The following NARS2 variants were observed in gnomAD, a reference collection of about 807,000 sequenced individuals.
NARS2 encodes asparaginyl-tRNA synthetase 2, mitochondrial, also known as asparaginyl-tRNA synthetase.
A neutral mutation model predicts 62.9 loss-of-function variants in NARS2; 60 were observed. The ratio of observed to expected loss-of-function variants is 0.95; its 90% CI spans 0.77 to 1.18. NARS2 has a LOEUF of 1.18. Ranked by LOEUF, NARS2 falls within the 50% of genes most tolerant of loss-of-function variation. The pLI is 0.00. For synonymous variants in NARS2, 196 were observed against 200.0 expected (o/e 0.98, Z 0.17); for missense variants, 619 against 576.4 (o/e 1.07, Z -0.76).
chr11:78,531,814 A>G, intron 5 of NARS2, among the ~76,000 whole-genome samples: 1 of 152,214 alleles, frequency 6.6e-6, no homozygotes, highest in African/African-American at 2.4e-5. Flanking sequence ...CATTTATATG[A>G]AACATACAGA....
chr11:78,448,145 C>CA (rs1226981369), intron 11 of NARS2, among the ~76,000 whole-genome samples: 2 of 152,042 alleles, frequency 1.3e-5, no homozygotes, highest in Non-Finnish European at 1.5e-5. Context: ...CAAAACAGTA[C>CA]ATTATACCCC....
At chr11:78,500,192 T>C (rs1483385711) in intron 6 of NARS2, among the ~76,000 whole-genome samples, 1 of 152,202 alleles carries the variant, frequency 6.6e-6, no homozygotes, top group Non-Finnish European at 1.5e-5. Context: ...TTTTTAAGGT[T>C]ATGGTACTGA....
chr11:78,548,513 G>A (rs1020269506), intron 5 of NARS2, among the ~76,000 whole-genome samples: 3 of 152,208 alleles, frequency 2.0e-5, no homozygotes, highest in African/African-American at 7.2e-5. Context: ...ATGCACAACA[G>A]TTTAGAGAAG....
At chr11:78,567,448 C>A (rs1158000098) in intron 3 of NARS2, among the ~76,000 whole-genome samples, 9 of 151,892 alleles carry the variant, frequency 5.9e-5, no homozygotes, top group African/African-American at 2.2e-4. Context: ...ATTTTGAGAC[C>A]ATAGTTCACC....
chr11:78,436,510 G>C lies in NARS2; in HGVS notation c.*160C>G. The C allele has an allele frequency of 1.1e-6, 1 of 924,552 alleles. No individual in the cohort carries two copies. The highest frequency in any genetic ancestry group is 1.6e-6 in the Non-Finnish European group (1 of 624,076). 57.3% of individuals were successfully genotyped at this position (924,552 alleles called of 1,614,324 possible). A position where few individuals can be genotyped will look rare whatever the true frequency, so the allele number is the denominator to read the frequency against. On this transcript the variant is annotated 3_prime_UTR_variant, in exon 14 of 14. Coordinates refer to ENST00000281038, the MANE Select transcript of NARS2 (RefSeq NM_024678.6). Reference sequence around the variant, plus strand: ...ACGTGAAATACCCTCAACTTTCTAAGAAAATCACAACCACTTATATTTTTT... The same window carrying C: ...ACGTGAAATACCCTCAACTTTCTAACAAAATCACAACCACTTATATTTTTT...
At chr11:78,531,148 A>G (rs886953381) in intron 5 of NARS2, among the ~76,000 whole-genome samples, 8 of 152,178 alleles carry the variant, frequency 5.3e-5, no homozygotes, top group African/African-American at 1.9e-4. Flanking sequence ...AAAATGAACA[A>G]AACTGTCAGA....
At chr11:78,451,290 T>A (rs1433861917) in intron 11 of NARS2, among the ~76,000 whole-genome samples, 2 of 152,234 alleles carry the variant, frequency 1.3e-5, no homozygotes, top group Non-Finnish European at 2.9e-5. Context: ...GGATTGAAAT[T>A]CCAGGTAGAA....
At chr11:78,486,609 T>C (rs988168848) in intron 7 of NARS2, among the ~76,000 whole-genome samples, 6 of 152,216 alleles carry the variant, frequency 3.9e-5, no homozygotes, top group African/African-American at 1.4e-4. Context: ...ACCAGTCTAA[T>C]AACTGGTAAA....
intron 5 of NARS2, among the ~76,000 whole-genome samples, chr11:78,544,018 C>CAAAA (rs10688131): frequency 0.62 from 45,701 of 73,608 alleles, 16,095 homozygotes; most frequent in Non-Finnish European, 0.77. Context: ...GACTCTGTCT[C>CAAAA]AAAAAAAAAA....
At chr11:78,537,513 G>A (rs995733841) in intron 5 of NARS2, among the ~76,000 whole-genome samples, 3 of 152,168 alleles carry the variant, frequency 2.0e-5, no homozygotes, top group African/African-American at 4.8e-5. Context: ...AGTAATTTGA[G>A]GGGCCAGGTA....
intron 11 of NARS2, among the ~76,000 whole-genome samples, chr11:78,457,718 G>T (rs1858217303): frequency 6.6e-6 from 1 of 152,034 alleles, no homozygotes; most frequent in Non-Finnish European, 1.5e-5. Context: ...AGGTTTCCCA[G>T]TACTGTTGAA....
intron 5 of NARS2, among the ~76,000 whole-genome samples, chr11:78,543,114 G>T (rs976359708): frequency 6.6e-6 from 1 of 152,136 alleles, no homozygotes; most frequent in South Asian, 2.1e-4. Context: ...GGAGGCAGAG[G>T]TTGCAGTGGG....
intron 6 of NARS2, among the ~76,000 whole-genome samples, chr11:78,495,776 T>C (rs1860031466): frequency 6.6e-6 from 1 of 152,128 alleles, no homozygotes; most frequent in African/African-American, 2.4e-5. Context: ...ATTCAACAAT[T>C]ACAAGGCCCT....
intron 9 of NARS2, among the ~76,000 whole-genome samples, chr11:78,470,882 A>ATTTTTTTTTTTTTTTTT (rs67863152): frequency 7.4e-6 from 1 of 135,162 alleles, no homozygotes. Flanking sequence ...AGTATTTTGG[A>ATTTTTTTTTTTTTTTTT]TTTTTTTTTT....
At chr11:78,498,436 C>T (rs555210881) in intron 6 of NARS2, among the ~76,000 whole-genome samples, 85 of 152,276 alleles carry the variant, frequency 5.6e-4, no homozygotes, top group African/African-American at 2.0e-3. Context: ...TTTAACTTTT[C>T]TCCCGATACT....
At chr11:78,551,572 T>C (rs6592790) in intron 5 of NARS2, among the ~76,000 whole-genome samples, 104,449 of 152,096 alleles carry the variant, frequency 0.69, 37,664 homozygotes, top group Non-Finnish European at 0.81. Flanking sequence ...TGCTCCAGGC[T>C]GGGCGCGGTG....
At chr11:78,504,138 C>A (rs1171313900) in intron 6 of NARS2, among the ~76,000 whole-genome samples, 1 of 152,174 alleles carries the variant, frequency 6.6e-6, no homozygotes, top group Non-Finnish European at 1.5e-5. Context: ...TACTATCTGC[C>A]TAAAATTCAA....
chr11:78,536,037 A>AT (rs2135446345), intron 5 of NARS2, among the ~76,000 whole-genome samples: 1 of 152,338 alleles, frequency 6.6e-6, no homozygotes, highest in African/African-American at 2.4e-5. Context: ...TACAGATAAA[A>AT]TATAGTCATG....
chr11:78,464,207 C>T (rs1470748882), intron 11 of NARS2, among the ~76,000 whole-genome samples: 1 of 151,360 alleles, frequency 6.6e-6, no homozygotes. Flanking sequence ...CCGGTGGGCT[C>T]GTGGGCTCGC....
Sources: gnomAD v4.1 joint callset for allele counts (sites outside exome capture counted in the v4.1 genomes callset) on GRCh38, gnomAD v4.1.1 for gene constraint, MANE v1.5 for transcripts, NCBI Gene and HGNC (gene_info 2026-07-23, HGNC 2026-07-21) for gene names.